AFAP1: variants seen among roughly 807,000 people sequenced by gnomAD.
The protein encoded by AFAP1 is actin filament associated protein 1.
A neutral mutation model predicts 93.9 loss-of-function variants in AFAP1; 75 were observed. That is an observed-to-expected ratio of 0.80 (90% confidence interval 0.66 to 0.97). The LOEUF (loss-of-function observed/expected upper bound fraction) is 0.97, where lower values mean the gene tolerates loss of function less well. Among genes scored for constraint, AFAP1 ranks in the 50% least tolerant of loss-of-function variants. The pLI is 0.00. For missense variants in AFAP1, 1,201 were observed against 1,050.8 expected (o/e 1.14, Z -1.98); for synonymous variants, 517 against 430.7 (o/e 1.20, Z -2.48).
chr4:7,843,671 C>T (rs529609523), intron 4 of AFAP1: 2 of 278,634 alleles, frequency 7.2e-6, no homozygotes, highest in Non-Finnish European at 1.4e-5. Context: ...CGAGCGCCAT[C>T]CTCATTCTGC....
At chr4:7,811,630 C>G (rs1720051158) in intron 8 of AFAP1, among the ~76,000 whole-genome samples, 1 of 152,112 alleles carries the variant, frequency 6.6e-6, no homozygotes, top group Admixed American at 6.5e-5. Context: ...GGTCCTGGTC[C>G]TATAGCGTTA....
chr4:7,873,534 GA>G (rs1171703398), intron 1 of AFAP1, among the ~76,000 whole-genome samples: 1 of 151,094 alleles, frequency 6.6e-6, no homozygotes, highest in Non-Finnish European at 1.5e-5. Context: ...ATTTTTAGTA[GA>G]GACGGGGTTT....
rs1470785996 is a variant in AFAP1 at position 7,939,576 on chromosome 4, A to AGCCCCGCTCGGAGCT, written c.-3+65_-3+79dup. The AGCCCCGCTCGGAGCT allele has an allele frequency of 2.6e-6, 1 of 387,782 alleles. No individual in the cohort carries two copies. Among genetic ancestry groups the AGCCCCGCTCGGAGCT allele is most frequent in the Non-Finnish European group, 5.0e-6 (1 of 198,782 alleles). 24.0% of individuals were successfully genotyped at this position (387,782 alleles called of 1,614,324 possible). On this transcript the variant is annotated intron_variant, in intron 1 of 17. Transcript: ENST00000420658. This position sits in a 1 kb window ranked among gnomAD's most constrained non-coding sequence, Gnocchi z 5.6. ...GGCGCACGGACCCCGGACCCTGCGGAGCCCCGCTCGGAGCTTCCACGCCCG... is the reference window on the plus strand; with the variant it reads ...GGCGCACGGACCCCGGACCCTGCGGAGCCCCGCTCGGAGCTGCCCCGCTCGGAGCTTCCACGCCCG...
intron 1 of AFAP1, among the ~76,000 whole-genome samples, chr4:7,911,823 A>T (rs1430621376): frequency 1.3e-5 from 2 of 152,184 alleles, no homozygotes; most frequent in Non-Finnish European, 2.9e-5. Flanking sequence ...CAAGAAGTAA[A>T]TCTTCTAAGA....
chr4:7,863,017 C>T (rs551237137), intron 3 of AFAP1, among the ~76,000 whole-genome samples: 5 of 152,340 alleles, frequency 3.3e-5, no homozygotes, highest in Non-Finnish European at 7.3e-5. Context: ...GGATCCATTT[C>T]CCAGGACCTG....
chr4:7,817,922 A>C lies in AFAP1; in HGVS notation c.822+1154T>G, dbSNP rs545885321. Among the ~76,000 whole-genome samples, 71 of 152,134 alleles carry C rather than the reference A, an allele frequency of 4.7e-4. 1 individual carries two copies. In the South Asian group the frequency reaches 0.014, roughly 31 times the overall value. ...TGTAATGAGTGACTTTTTTCATCCC[A>C]TTTATGTTTCTATGAGCTTTCTGAA... On this transcript the variant is annotated intron_variant, in intron 7 of 17. Coordinates refer to ENST00000420658, the MANE Select transcript of AFAP1 (RefSeq NM_001134647.2).
chr4:7,933,636 G>A (rs1721222412), intron 1 of AFAP1, among the ~76,000 whole-genome samples: 1 of 152,176 alleles, frequency 6.6e-6, no homozygotes, highest in Non-Finnish European at 1.5e-5. Flanking sequence ...ATGCGCCCAG[G>A]GGAATTGGAG....
intron 3 of AFAP1, among the ~76,000 whole-genome samples, chr4:7,859,219 G>A (rs901290553): frequency 2.0e-5 from 3 of 152,164 alleles, no homozygotes; most frequent in Non-Finnish European, 1.5e-5. Context: ...AAGAGTTCAA[G>A]ACCAGCCTGG....
In AFAP1 at chr4:7,762,773, G is replaced by C. The variant is rs1713993140; in HGVS notation, c.*992C>G. On this transcript the variant is annotated 3_prime_UTR_variant, in exon 18 of 18. Transcript: ENST00000420658. ...GAATTCCTGCCTCTTGCTCTAAGGT[G>C]TTATAGTTCCATGAGCGAACAAATT... is the stretch of plus-strand genomic sequence containing the variant. 1 of 152,296 alleles carries C rather than the reference G, an allele frequency of 6.6e-6. No homozygotes were observed. The highest frequency in any genetic ancestry group is 2.1e-4 in the South Asian group (1 of 4,824). The allele number at this position is 152,296 out of a possible 1,614,324, so 9.4% of individuals were successfully genotyped here.
intron 3 of AFAP1, among the ~76,000 whole-genome samples, chr4:7,862,469 T>C (rs1715846192): frequency 1.3e-5 from 2 of 151,324 alleles, no homozygotes; most frequent in African/African-American, 4.9e-5. Context: ...AGTTTCCATT[T>C]GGGATAAAGT....
chr4:7,821,753 G>A (rs768130434), intron 6 of AFAP1, among the ~76,000 whole-genome samples: 1 of 152,210 alleles, frequency 6.6e-6, no homozygotes, highest in Non-Finnish European at 1.5e-5. Flanking sequence ...TCCACAGACA[G>A]ATCCAAATTC....
intron 5 of AFAP1, among the ~76,000 whole-genome samples, chr4:7,839,724 T>C (rs1712762565): frequency 6.6e-6 from 1 of 152,164 alleles, no homozygotes; most frequent in Non-Finnish European, 1.5e-5. Flanking sequence ...TCTTTATCTG[T>C]AAAACTGAGA....
At chr4:7,851,399 C>T (rs1714422753) in intron 4 of AFAP1, among the ~76,000 whole-genome samples, 1 of 152,212 alleles carries the variant, frequency 6.6e-6, no homozygotes, top group Non-Finnish European at 1.5e-5. Flanking sequence ...AACAACCATT[C>T]ATGAACACTG....
intron 1 of AFAP1, among the ~76,000 whole-genome samples, chr4:7,897,046 C>T (rs531177636): frequency 6.6e-6 from 1 of 152,188 alleles, no homozygotes; most frequent in South Asian, 2.1e-4. Flanking sequence ...CTCTTTTCTT[C>T]TCCTAATTCT....
intron 5 of AFAP1, among the ~76,000 whole-genome samples, 178 bp from the exon 6 acceptor site, chr4:7,838,881 C>T (rs1712645241): frequency 6.6e-6 from 1 of 152,048 alleles, no homozygotes; most frequent in African/African-American, 2.4e-5. Flanking sequence ...TCTTCACAGA[C>T]ACTTCGCCTC....
intron 13 of AFAP1, among the ~76,000 whole-genome samples, chr4:7,780,522 T>A (rs1241123403): frequency 1.3e-5 from 2 of 152,238 alleles, no homozygotes; most frequent in Non-Finnish European, 2.9e-5. Flanking sequence ...AGGTTAAATA[T>A]GCATGATAAG....
At chr4:7,881,459 T>C (rs966679804) in intron 1 of AFAP1, among the ~76,000 whole-genome samples, 1 of 151,622 alleles carries the variant, frequency 6.6e-6, no homozygotes, top group Non-Finnish European at 1.5e-5. Flanking sequence ...TGCCACTCAT[T>C]TGGCCCTCAT....
rs1230765235 is a variant in AFAP1, at chr4:7,827,541, A to G, written c.727-8370T>C. Among the ~76,000 whole-genome samples, 100 of 141,816 alleles carry G rather than the reference A, an allele frequency of 7.1e-4. 2 individuals carry two copies. The highest frequency in any genetic ancestry group is 7.6e-5 in the Non-Finnish European group (5 of 65,776). 93.0% of individuals were successfully genotyped at this position (141,816 alleles called of 152,430 possible). On this transcript the variant is annotated intron_variant, in intron 6 of 17. Transcript: ENST00000420658. ...AGCAGAGATAGTGCCATTGCACTCCAGCATGAACAAGAGTGAAACTCTGTC... is the reference window on the plus strand; with the variant it reads ...AGCAGAGATAGTGCCATTGCACTCCGGCATGAACAAGAGTGAAACTCTGTC...
At chr4:7,912,717 G>T in intron 1 of AFAP1, among the ~76,000 whole-genome samples, 1 of 152,080 alleles carries the variant, frequency 6.6e-6, no homozygotes, top group East Asian at 1.9e-4. Flanking sequence ...GTTTCTCCCA[G>T]TCTGTAGCTC....
Sources: gnomAD v4.1 joint callset for allele counts (sites outside exome capture counted in the v4.1 genomes callset) on GRCh38, gnomAD v4.1.1 for gene constraint, Gnocchi (gnomAD v3.1) non-coding constraint, MANE v1.5 for transcripts, NCBI Gene and HGNC (gene_info 2026-07-23, HGNC 2026-07-21) for gene names.